Variants in CAMTA1 observed in about 807,000 individuals in gnomAD.
CAMTA1 encodes the protein calmodulin binding transcription activator 1, also known as calmodulin-binding transcription activator 1.
Under a neutral mutation model 170.9 loss-of-function variants are expected in CAMTA1, and 27 were observed. The observed-to-expected ratio is 0.16, with a 90% CI of 0.12 to 0.22. CAMTA1 has a LOEUF of 0.22. CAMTA1 is among the 10% of genes least tolerant of loss of function. CAMTA1 has a pLI of 1.00. For missense variants in CAMTA1, 1,619 were observed against 2,217.2 expected (o/e 0.73, Z 5.42); for synonymous variants, 833 against 891.5 (o/e 0.93, Z 1.17).
chr1:7,175,074 G>A (rs951840410), intron 4 of CAMTA1, among the ~76,000 whole-genome samples: 4 of 152,130 alleles, frequency 2.6e-5, no homozygotes, highest in African/African-American at 9.7e-5. Context: ...GTGTGTATGT[G>A]CGTGTCTGCA....
chr1:7,205,950 AT>A (rs1657659018), intron 4 of CAMTA1, among the ~76,000 whole-genome samples: 3 of 152,218 alleles, frequency 2.0e-5, no homozygotes, highest in African/African-American at 7.2e-5. Flanking sequence ...TTCCAGCAGC[AT>A]TTATTTAAAA....
At chr1:7,338,983 G>A (rs1308375818) in intron 5 of CAMTA1, among the ~76,000 whole-genome samples, 1 of 152,160 alleles carries the variant, frequency 6.6e-6, no homozygotes, top group African/African-American at 2.4e-5. Context: ...TGGAGCAGGA[G>A]GATGAGAGAG....
chr1:7,232,848 G>A (rs937562487), intron 4 of CAMTA1, among the ~76,000 whole-genome samples: 11 of 152,134 alleles, frequency 7.2e-5, no homozygotes, highest in East Asian at 1.9e-4. Flanking sequence ...GGCCTTTCGC[G>A]TGCAGCCTTA....
chr1:7,680,865 CA>C lies in CAMTA1; in HGVS notation c.2914+3133del, dbSNP rs1553247108. ...ACACGCGCGCGCGCGCGCGCGCCAGCAGCAGCAGCAGCAGCAGCTGCTGCGG... is the reference window on the plus strand; with the variant it reads ...ACACGCGCGCGCGCGCGCGCGCCAGCGCAGCAGCAGCAGCAGCTGCTGCGG... On this transcript the variant is annotated intron_variant, in intron 11 of 22. Coordinates refer to ENST00000303635, the MANE Select transcript of CAMTA1 (RefSeq NM_015215.4). The surrounding 1 kb of genome is among the most constrained non-coding windows in gnomAD (Gnocchi z 4.4). Among the ~76,000 whole-genome samples, 64 of 137,774 alleles carry C rather than the reference CA, an allele frequency of 4.6e-4. No individual in the cohort carries two copies. Among genetic ancestry groups the C allele is most frequent in the South Asian group, 7.4e-4 (3 of 4,066 alleles). 90.4% of individuals were successfully genotyped at this position (137,774 alleles called of 152,430 possible).
In CAMTA1 at chr1:7,435,905, T is replaced by G. The variant is rs1283195151; in HGVS notation, c.439-31925T>G. 1.3e-5 allele frequency among the ~76,000 whole-genome samples: 2 copies of G among 151,974 alleles called. No homozygotes were observed. Among genetic ancestry groups the G allele is most frequent in the Non-Finnish European group, 2.9e-5 (2 of 67,998 alleles). On this transcript the variant is annotated intron_variant, in intron 5 of 22. Transcript: ENST00000303635. This position sits in a 1 kb window ranked among gnomAD's most constrained non-coding sequence, Gnocchi z 4.4. ...CCAGGGGCCTGGCTGTGCTGCACCC[T>G]GGGGAAGATACTGTCTTAGGTACAA... is the stretch of plus-strand genomic sequence containing the variant.
At chr1:6,785,800 A>AC (rs1440021458) in intron 1 of CAMTA1, among the ~76,000 whole-genome samples, 2 of 70,140 alleles carry the variant, frequency 2.9e-5, no homozygotes, top group Non-Finnish European at 5.2e-5. Flanking sequence ...CCCACACCCC[A>AC]CCCCCGGGGG....
chr1:6,962,131 C>T (rs1690536223), intron 3 of CAMTA1, among the ~76,000 whole-genome samples: 1 of 152,218 alleles, frequency 6.6e-6, no homozygotes, highest in Non-Finnish European at 1.5e-5. Context: ...ATGCCTCTGC[C>T]GGGGCCCCGA....
intron 6 of CAMTA1, among the ~76,000 whole-genome samples, chr1:7,572,700 T>G (rs747881232): frequency 1.3e-5 from 2 of 152,176 alleles, no homozygotes; most frequent in African/African-American, 2.4e-5. Context: ...GACTCAATCA[T>G]CTCCCAAACC....
chr1:7,256,692 G>C (rs1574244363), intron 5 of CAMTA1, among the ~76,000 whole-genome samples: 1 of 152,346 alleles, frequency 6.6e-6, no homozygotes, highest in East Asian at 1.9e-4. Flanking sequence ...TATCACAAAA[G>C]ATCATAGACT....
chr1:7,327,248 CA>C (rs1045485039), intron 5 of CAMTA1, among the ~76,000 whole-genome samples: 1 of 150,786 alleles, frequency 6.6e-6, no homozygotes, highest in Non-Finnish European at 1.5e-5. Flanking sequence ...ACTAAAAATA[CA>C]AAAAAAATTA....
chr1:7,370,914 C>CTTTCTTTTTT (rs763145705), intron 5 of CAMTA1, among the ~76,000 whole-genome samples: 29 of 109,986 alleles, frequency 2.6e-4, no homozygotes, highest in Non-Finnish European at 4.1e-4. Flanking sequence ...TTCTTTCTTT[C>CTTTCTTTTTT]TTTTTTTTTT....
At chr1:6,809,975 A>G (rs1234860412) in intron 1 of CAMTA1, among the ~76,000 whole-genome samples, 1 of 152,160 alleles carries the variant, frequency 6.6e-6, no homozygotes, top group African/African-American at 2.4e-5. Flanking sequence ...ACTGGTAGAA[A>G]TGATGGTGAA....
chr1:7,741,491 G>A (rs2096814980), intron 16 of CAMTA1, among the ~76,000 whole-genome samples: 1 of 151,936 alleles, frequency 6.6e-6, no homozygotes, highest in South Asian at 2.1e-4. Context: ...GAACCCAGGA[G>A]GCAGAGCTTG....
intron 3 of CAMTA1, among the ~76,000 whole-genome samples, chr1:6,931,700 G>A (rs1283858901): frequency 6.6e-6 from 1 of 152,134 alleles, no homozygotes; most frequent in African/African-American, 2.4e-5. Flanking sequence ...GGGCTGCCTC[G>A]CTGTGCACAC....
intron 3 of CAMTA1, among the ~76,000 whole-genome samples, chr1:7,024,653 A>T (rs1701804393): frequency 6.6e-6 from 1 of 152,016 alleles, no homozygotes; most frequent in South Asian, 2.1e-4. Flanking sequence ...CTCCATCGAC[A>T]CCTTTCTGGG....
intron 3 of CAMTA1, among the ~76,000 whole-genome samples, chr1:6,876,425 G>C (rs1023730563): frequency 3.3e-5 from 5 of 151,424 alleles, no homozygotes; most frequent in Non-Finnish European, 5.9e-5. Flanking sequence ...GCAATGGTGT[G>C]ATCTTAACTC....
intron 4 of CAMTA1, among the ~76,000 whole-genome samples, chr1:7,212,649 A>G (rs576617107): frequency 1.1e-4 from 16 of 152,286 alleles, no homozygotes; most frequent in South Asian, 8.3e-4. Context: ...CTTGAAAACT[A>G]TAGTAGAGTA....
chr1:7,493,174 C>G (rs549142609), intron 6 of CAMTA1, among the ~76,000 whole-genome samples: 2 of 148,452 alleles, frequency 1.3e-5, no homozygotes, highest in Non-Finnish European at 3.0e-5. Flanking sequence ...TACACGCGCA[C>G]ACAAATACAA....
rs771423410 is a variant in CAMTA1 at position 7,732,738 on chromosome 1, C to T, written c.3066+139C>T. ...GCAGAAGGCCTGAGGGAGTACTTTA[C>T]GGTACCTGTGCTTTTAAGCATTATA... On this transcript the variant is annotated intron_variant, in intron 12 of 22. Transcript: ENST00000303635. This position sits in a 1 kb window ranked among gnomAD's most constrained non-coding sequence, Gnocchi z 4.1. The T allele has an allele frequency of 1.6e-5, 20 of 1,225,388 alleles. No individual in the cohort carries two copies. Among genetic ancestry groups the T allele is most frequent in the African/African-American group, 3.1e-5 (2 of 65,158 alleles). The allele number at this position is 1,225,388 out of a possible 1,614,324, so 75.9% of individuals were successfully genotyped here.
Sources: gnomAD v4.1 joint callset for allele counts (sites outside exome capture counted in the v4.1 genomes callset) on GRCh38, gnomAD v4.1.1 for gene constraint, Gnocchi (gnomAD v3.1) non-coding constraint, MANE v1.5 for transcripts, NCBI Gene and HGNC (gene_info 2026-07-23, HGNC 2026-07-21) for gene names.